FANCA: variants seen among roughly 807,000 people sequenced by gnomAD.
FANCA encodes the protein Fanconi anemia group A protein.
In FANCA, 236 loss-of-function variants were observed where a neutral mutation model predicts 194.3. That is an observed-to-expected ratio of 1.21 (90% CI 1.09 to 1.35). The LOEUF is 1.35. Ranked by LOEUF, FANCA falls within the 40% of genes most tolerant of loss-of-function variation. FANCA has a pLI of 0.00. For synonymous variants in FANCA, 1,014 were observed against 715.8 expected, an observed-to-expected ratio of 1.42 and a Z score of -6.65; for missense variants, 2,628 against 1,813.9, an observed-to-expected ratio of 1.45 and a Z score of -8.15.
chr16:89,763,193 C>T (rs1167883338), intron 28 of FANCA, among the ~76,000 whole-genome samples: 1 of 151,746 alleles, frequency 6.6e-6, no homozygotes, highest in Non-Finnish European at 1.5e-5. Flanking sequence ...GTTGCAGTGA[C>T]CCAAGATTGT....
chr16:89,791,973 C>T lies in FANCA; in HGVS notation c.1179G>A (p.Val393=). Residue 393 remains valine, a synonymous_variant, in exon 13 of 43, where the codon GTG becomes GTA. Coordinates refer to ENST00000389301, the MANE Select transcript of FANCA (RefSeq NM_000135.4). ...EVHWQRVLSF[V]SALVVCFPEA... is the part of the protein sequence containing the mutation. ...CTGGAAAGCAGACAACCAGGGCAGA[C>T]ACAAAGGAGAGCACTCTCTGCCAGT... 1 of 1,614,206 alleles carries T rather than the reference C, an allele frequency of 6.2e-7. No individual in the cohort carries two copies. The highest frequency in any genetic ancestry group is 8.5e-7 in the Non-Finnish European group (1 of 1,180,042).
In FANCA at chr16:89,764,994, A is replaced by G. The variant is rs778179583; in HGVS notation, c.2674T>C (p.Ser892Pro). ...PLSEEDVASL[S>P]WRPLHLPSAD... is the part of the protein sequence containing the mutation. ...GAAGGAAGGTGCAAGGGTCTCCAGG[A>G]AAGGCTGGCTACGTCCTCCTCAGAA... The change falls in exon 28 of 43, where the codon TCC becomes CCC. Residue 892 changes from serine (S) to proline (P), a missense_variant. Physicochemically the swap from Ser to Pro is moderately conservative, Grantham distance 74. Coordinates refer to ENST00000389301, the MANE Select transcript of FANCA (RefSeq NM_000135.4). 4.3e-6 allele frequency: 7 copies of G among 1,614,146 alleles called. No individual in the cohort carries two copies. The African/African-American group carries it at 8.0e-5, about 18-fold the overall frequency.
intron 8 of FANCA, among the ~76,000 whole-genome samples, chr16:89,802,167 A>G (rs999090665): frequency 6.6e-6 from 1 of 152,024 alleles, no homozygotes; most frequent in Admixed American, 6.5e-5. Flanking sequence ...TGCAAGGCGC[A>G]ATCTTGGCTC....
At chr16:89,743,022 C>CATG (rs2143064616) in intron 36 of FANCA, 84 bp from the exon 37 acceptor site, 2 of 1,508,796 alleles carry the variant, frequency 1.3e-6, no homozygotes, top group East Asian at 4.6e-5. Context: ...TCCCACCTGT[C>CATG]ACCTTTGGGG....
intron 23 of FANCA, 32 bp downstream of exon 23, chr16:89,771,646 C>A (rs771298771): frequency 6.8e-6 from 11 of 1,613,100 alleles, no homozygotes; most frequent in South Asian, 1.1e-5. Context: ...ATGGTGAAGA[C>A]CCCCTGCTTT....
intron 30 of FANCA, among the ~76,000 whole-genome samples, chr16:89,755,363 G>GC (rs1310325280): frequency 6.6e-6 from 1 of 152,100 alleles, no homozygotes. Context: ...ACAGGCGCCT[G>GC]CCACCATGCC....
chr16:89,795,565 G>A (rs1379387443), intron 11 of FANCA, among the ~76,000 whole-genome samples: 5 of 152,168 alleles, frequency 3.3e-5, no homozygotes. Flanking sequence ...TTGAACCTGG[G>A]AGGCAGAGGT....
Position 89,745,066 on chromosome 16 carries a change from C to G in FANCA, c.3519G>C (p.Trp1173Cys), listed in dbSNP as rs758341181. 5 of 1,603,898 alleles carry G rather than the reference C, an allele frequency of 3.1e-6. No individual in the cohort carries two copies. Among genetic ancestry groups the G allele is most frequent in the Non-Finnish European group, 2.5e-6 (3 of 1,178,122 alleles). The part of the protein sequence containing the change: ...CPLILTSALV[W>C]WPSLEPVLLC... ...GCAGCACAGGCTCCAGGCTCGGCCA[C>G]CACACCTATGGAGAGAGCACCAGCA... Residue 1173 changes from tryptophan (W) to cysteine (C), a missense_variant, in exon 36 of 43, where the codon TGG (tryptophan) becomes TGC (cysteine). Physicochemically the swap from Trp to Cys is radical, Grantham distance 215. Transcript: ENST00000389301.
chr16:89,814,870 G>T (rs2041040740), intron 2 of FANCA, among the ~76,000 whole-genome samples: 1 of 152,024 alleles, frequency 6.6e-6, no homozygotes, highest in Non-Finnish European at 1.5e-5. Flanking sequence ...AAACCCGGGA[G>T]GTGGAGGCTG....
At chr16:89,741,123 G>C (rs564782460) in intron 37 of FANCA, among the ~76,000 whole-genome samples, 4 of 152,344 alleles carry the variant, frequency 2.6e-5, no homozygotes, top group African/African-American at 7.2e-5. Context: ...GCCAGAAAGA[G>C]AAGACTGCTG....
chr16:89,790,954 C>T (rs1045817656), intron 14 of FANCA: 12 of 216,086 alleles, frequency 5.6e-5, no homozygotes, highest in Non-Finnish European at 9.4e-5. Context: ...CTCAGCCTCC[C>T]GAGTAACGAG....
chr16:89,752,083 T>C lies in FANCA; in HGVS notation c.3066+55A>G, dbSNP rs3743860. 667,756 of 1,498,536 alleles carry C rather than the reference T, an allele frequency of 0.45. 156,668 individuals are homozygous for C. The highest frequency in any genetic ancestry group is 0.82 in the East Asian group (36,334 of 44,378). 92.8% of individuals were successfully genotyped at this position (1,498,536 alleles called of 1,614,324 possible). A position where few individuals can be genotyped will look rare whatever the true frequency, so the allele number is the denominator to read the frequency against. ...CCGCGCCTGGCAATAAATATCTTAA[T>C]AGCACGCGGCTTAAATGAAGTGAAT... On this transcript the variant is annotated intron_variant, in intron 31 of 42. Transcript: ENST00000389301.
At chr16:89,816,497 C>G in intron 1 of FANCA, 40 bp downstream of exon 1, 2 of 1,457,236 alleles carry the variant, frequency 1.4e-6, no homozygotes, top group Admixed American at 2.4e-5. Context: ...CGTCCCGGGC[C>G]GGACGCCGCC....
chr16:89,792,929 T>G (rs371482108), intron 11 of FANCA, among the ~76,000 whole-genome samples: 1 of 152,208 alleles, frequency 6.6e-6, no homozygotes, highest in Non-Finnish European at 1.5e-5. Flanking sequence ...AGACAGCTTA[T>G]GCCATTATTT....
Position 89,738,027 on chromosome 16 carries a change from C to A in FANCA, c.*574G>T. On this transcript the variant is annotated 3_prime_UTR_variant, in exon 43 of 43. Coordinates refer to ENST00000389301, the MANE Select transcript of FANCA (RefSeq NM_000135.4). ...GGCAGCGGGCATCCCTCAAGTACCA[C>A]ATGACCAAACACAAGGCTGAGACTG... 1.9e-6 allele frequency: 3 copies of A among 1,614,178 alleles called. No homozygotes were observed. The highest frequency in any genetic ancestry group is 2.5e-6 in the Non-Finnish European group (3 of 1,180,056).
At chr16:89,779,409 A>G (rs2039625859) in intron 18 of FANCA, among the ~76,000 whole-genome samples, 1 of 152,114 alleles carries the variant, frequency 6.6e-6, no homozygotes, top group African/African-American at 2.4e-5. Flanking sequence ...AAGCTGTGCT[A>G]TTCAGCTCTC....
At chr16:89,767,605 G>C (rs1009993529) in intron 26 of FANCA, among the ~76,000 whole-genome samples, 2 of 152,094 alleles carry the variant, frequency 1.3e-5, no homozygotes, top group African/African-American at 4.8e-5. Flanking sequence ...CCGGAGTAGA[G>C]TGGTGCGATT....
chr16:89,761,411 T>C (rs2038947341), intron 29 of FANCA, among the ~76,000 whole-genome samples: 1 of 126,032 alleles, frequency 7.9e-6, no homozygotes, highest in African/African-American at 3.2e-5. Flanking sequence ...AGAGCAAGAC[T>C]CTGTCTCAGA....
chr16:89,812,439 G>C (rs1204594881), intron 3 of FANCA, among the ~76,000 whole-genome samples: 1 of 151,632 alleles, frequency 6.6e-6, no homozygotes, highest in Non-Finnish European at 1.5e-5. Flanking sequence ...CTGAGGTCGG[G>C]AGTTTGAGAC....
Sources: allele counts gnomAD v4.1 joint callset (sites outside exome capture counted in the v4.1 genomes callset), GRCh38; gene constraint gnomAD v4.1.1; transcripts MANE v1.5; gene names NCBI Gene and HGNC (gene_info 2026-07-23, HGNC 2026-07-21).